EFNA5: variants seen among roughly 807,000 people sequenced by gnomAD.
The protein encoded by EFNA5 is ephrin A5.
Under a neutral mutation model 22.9 loss-of-function variants are expected in EFNA5, and 5 were observed. That is an observed-to-expected ratio of 0.22 (90% CI 0.11 to 0.46). The LOEUF (loss-of-function observed/expected upper bound fraction) is 0.46. Among genes scored for constraint, EFNA5 ranks in the 20% least tolerant of loss-of-function variants. The pLI, the probability that EFNA5 is intolerant of heterozygous loss-of-function variation, is 0.99. For synonymous variants in EFNA5, 113 were observed against 112.2 expected (o/e 1.01, Z -0.04); for missense variants, 237 against 293.3 (o/e 0.81, Z 1.40).
intron 1 of EFNA5, among the ~76,000 whole-genome samples, chr5:107,569,571 A>ATGTGTATATATATATT (rs1216955310): frequency 3.9e-5 from 1 of 25,846 alleles, no homozygotes; most frequent in Non-Finnish European, 1.0e-4. Context: ...ATATATATAT[A>ATGTGTATATATATATT]TATATATATA....
rs949406952 is a variant in EFNA5, at chr5:107,381,261, T to C, written c.681A>G (p.Thr227=). 8 of 1,613,660 alleles carry C rather than the reference T, an allele frequency of 5.0e-6. No individual in the cohort carries two copies. The highest frequency in any genetic ancestry group is 1.3e-5 in the African/African-American group (1 of 74,914). ...ILLFLLAMLL[T]L is the part of the protein sequence containing the mutation. ...GTGATGGGAGGAGACTGTGCTATAA[T>C]GTCAAAAGCATCGCCAGGAGGAACA... The change falls in exon 5 of 5, where the codon ACA becomes ACG. Residue 227 remains threonine, a synonymous_variant. Coordinates refer to ENST00000333274, the MANE Select transcript of EFNA5 (RefSeq NM_001962.3).
rs1488464427 is a variant in EFNA5, at chr5:107,414,984, T to C, written c.418+12233A>G. ...TAGAATAAGCTTTTGAACACTGCTT[T>C]TCACACATGGATAAGAGCTAAGGGC... On this transcript the variant is annotated intron_variant, in intron 2 of 4. Transcript: ENST00000333274. Among the ~76,000 whole-genome samples the C allele has an allele frequency of 3.3e-5, 5 of 152,208 alleles. No individual in the cohort carries two copies. In the East Asian group the frequency reaches 7.7e-4, roughly 23 times the overall value.
chr5:107,590,449 G>T (rs1749295695), intron 1 of EFNA5, among the ~76,000 whole-genome samples: 2 of 151,940 alleles, frequency 1.3e-5, no homozygotes, highest in African/African-American at 2.4e-5. Context: ...GAGTGCCGTG[G>T]AATGGTCACA....
At chr5:107,449,931 T>C (rs1310512688) in intron 1 of EFNA5, among the ~76,000 whole-genome samples, 1 of 152,080 alleles carries the variant, frequency 6.6e-6, no homozygotes, top group Admixed American at 6.5e-5. Flanking sequence ...CAGACGGAGG[T>C]GATTTCTTTT....
At chr5:107,540,355 G>T (rs1748018838) in intron 1 of EFNA5, among the ~76,000 whole-genome samples, 1 of 152,020 alleles carries the variant, frequency 6.6e-6, no homozygotes, top group Admixed American at 6.6e-5. Flanking sequence ...GGCTGTAAAA[G>T]AATACAATAT....
At position 107,526,019 on chromosome 5, in the gene EFNA5, G is replaced by A. The variant is rs186012341; in HGVS notation, c.126-98510C>T. Among the ~76,000 whole-genome samples the A allele has an allele frequency of 6.0e-4, 91 of 152,202 alleles. No individual in the cohort carries two copies. The East Asian group carries it at 6.4e-3, about 11-fold the overall frequency. On this transcript the variant is annotated intron_variant, in intron 1 of 4. Transcript: ENST00000333274. ...TATAGAAGATATTTATGATGGATAC[G>A]GGAATGAATCAGAATTGCCCGCAAA...
chr5:107,492,910 G>A (rs1258337485), intron 1 of EFNA5, among the ~76,000 whole-genome samples: 5 of 151,514 alleles, frequency 3.3e-5, no homozygotes, highest in Non-Finnish European at 5.9e-5. Context: ...GAGGTAGGAG[G>A]ATCGCTTGAA....
intron 1 of EFNA5, among the ~76,000 whole-genome samples, chr5:107,530,036 A>G (rs768392963): frequency 7.2e-5 from 11 of 152,244 alleles, no homozygotes; most frequent in Non-Finnish European, 1.0e-4. Flanking sequence ...TTTATTACAG[A>G]TATCTTACCC....
intron 1 of EFNA5, among the ~76,000 whole-genome samples, chr5:107,649,854 AT>A (rs1170219155): frequency 1.3e-5 from 2 of 152,196 alleles, no homozygotes; most frequent in Admixed American, 1.3e-4. Flanking sequence ...AGACAAATAG[AT>A]TAGTATTTCC....
intron 2 of EFNA5, among the ~76,000 whole-genome samples, chr5:107,401,775 C>G (rs761082843): frequency 3.3e-5 from 5 of 152,134 alleles, no homozygotes; most frequent in Non-Finnish European, 7.4e-5. Flanking sequence ...TTTTGCAGGG[C>G]CAAGCCACTG....
At chr5:107,440,770 G>C (rs1451928884) in intron 1 of EFNA5, among the ~76,000 whole-genome samples, 6 of 152,046 alleles carry the variant, frequency 3.9e-5, no homozygotes, top group Non-Finnish European at 8.8e-5. Context: ...GATGAGCTGG[G>C]TCAAAAAACA....
intron 1 of EFNA5, among the ~76,000 whole-genome samples, chr5:107,585,674 G>A (rs904970154): frequency 2.0e-5 from 3 of 152,184 alleles, no homozygotes; most frequent in South Asian, 2.1e-4. Context: ...GGGGATGGTA[G>A]GGTAGGGATT....
At chr5:107,381,902 C>T (rs1279652934) in intron 4 of EFNA5, among the ~76,000 whole-genome samples, 2 of 152,126 alleles carry the variant, frequency 1.3e-5, no homozygotes, top group East Asian at 3.9e-4. Context: ...AACTAAATGC[C>T]AAAACAGCAG....
At chr5:107,658,245 A>T (rs1750871098) in intron 1 of EFNA5, among the ~76,000 whole-genome samples, 1 of 152,212 alleles carries the variant, frequency 6.6e-6, no homozygotes, top group East Asian at 1.9e-4. Context: ...AGTGTTAAAA[A>T]TCTGTTTCTG....
In EFNA5 at chr5:107,387,318, A is replaced by G. The variant is rs1747652669; in HGVS notation, c.485-3T>C. 1.3e-6 allele frequency: 2 copies of G among 1,582,702 alleles called. No homozygotes were observed. Among genetic ancestry groups the G allele is most frequent in the Non-Finnish European group, 1.7e-6 (2 of 1,159,292 alleles). On this transcript the variant is annotated splice_region_variant and splice_polypyrimidine_tract_variant and intron_variant, in intron 3 of 4. Transcript: ENST00000333274. The stretch of plus-strand genomic sequence containing the variant: ...ACCTATAGTTTTCATACAGCTATCT[A>G]TAACAAAAATAGAGATAACAGCCAA...
chr5:107,483,465 C>A (rs1750540515), intron 1 of EFNA5, among the ~76,000 whole-genome samples: 1 of 152,204 alleles, frequency 6.6e-6, no homozygotes, highest in Non-Finnish European at 1.5e-5. Context: ...GGTGACAAGG[C>A]ACTCTTGCCT....
intron 1 of EFNA5, among the ~76,000 whole-genome samples, chr5:107,485,991 C>G (rs2112406816): frequency 6.6e-6 from 1 of 152,250 alleles, no homozygotes; most frequent in African/African-American, 2.4e-5. Flanking sequence ...TCAGGTTCAC[C>G]TTTAAAACGT....
At chr5:107,616,952 T>C (rs1749929516) in intron 1 of EFNA5, among the ~76,000 whole-genome samples, 1 of 152,106 alleles carries the variant, frequency 6.6e-6, no homozygotes, top group Admixed American at 6.5e-5. Context: ...CAATTTCTAC[T>C]CCTTTGCCTG....
intron 1 of EFNA5, among the ~76,000 whole-genome samples, chr5:107,611,061 C>A (rs1749812491): frequency 6.6e-6 from 1 of 152,192 alleles, no homozygotes; most frequent in Non-Finnish European, 1.5e-5. Flanking sequence ...TGTCTCAAAT[C>A]ATTTCCATCC....
Sources: gnomAD v4.1 joint callset for allele counts (sites outside exome capture counted in the v4.1 genomes callset) on GRCh38, gnomAD v4.1.1 for gene constraint, MANE v1.5 for transcripts, NCBI Gene and HGNC (gene_info 2026-07-23, HGNC 2026-07-21) for gene names.